The following RFFL variants were observed in gnomAD, a reference collection of about 807,000 sequenced individuals.
RFFL encodes ring finger and FYVE like domain containing E3 ubiquitin protein ligase.
A neutral mutation model predicts 40.4 loss-of-function variants in RFFL; 16 were observed. That is an observed-to-expected ratio of 0.40 (90% confidence interval 0.27 to 0.60). RFFL has a LOEUF of 0.60. Ranked by LOEUF, RFFL falls within the 20% of genes least tolerant of loss-of-function variation. The pLI is 0.47. For synonymous variants in RFFL, 154 were observed against 167.9 expected (o/e 0.92, Z 0.64); for missense variants, 367 against 451.7 (o/e 0.81, Z 1.70).
intron 3 of RFFL, among the ~76,000 whole-genome samples, chr17:35,020,844 T>A (rs1053326804): frequency 6.6e-6 from 1 of 152,190 alleles, no homozygotes; most frequent in African/African-American, 2.4e-5. Context: ...AGAAGCAGCA[T>A]GCAAGTACAG....
intron 1 of RFFL, among the ~76,000 whole-genome samples, chr17:35,063,207 G>A (rs779702076): frequency 2.6e-5 from 4 of 152,018 alleles, no homozygotes; most frequent in Admixed American, 2.0e-4. Context: ...TATAATTCCA[G>A]CACTTTGGGA....
At chr17:35,081,909 T>C (rs956109183) in intron 1 of RFFL, among the ~76,000 whole-genome samples, 8 of 152,310 alleles carry the variant, frequency 5.3e-5, no homozygotes, top group Admixed American at 2.6e-4. Flanking sequence ...TTCTTTAGAA[T>C]ATAAATGATT....
intron 1 of RFFL, among the ~76,000 whole-genome samples, chr17:35,038,359 C>G (rs983929153): frequency 3.3e-5 from 5 of 151,846 alleles, no homozygotes; most frequent in African/African-American, 1.2e-4. Flanking sequence ...GTAAATTACT[C>G]CAATTTGGAA....
chr17:35,013,363 C>T (rs980470382), intron 6 of RFFL, among the ~76,000 whole-genome samples: 3 of 152,196 alleles, frequency 2.0e-5, no homozygotes, highest in African/African-American at 7.2e-5. Context: ...ATATAGTGGG[C>T]ATGACCAGTA....
At chr17:35,012,507 G>A (rs1370512393) in intron 6 of RFFL, among the ~76,000 whole-genome samples, 6 of 152,162 alleles carry the variant, frequency 3.9e-5, no homozygotes, top group East Asian at 1.9e-4. Context: ...TGAGTGGCAC[G>A]TAGGGACTCA....
At chr17:35,074,910 G>A (rs2091368612) in intron 1 of RFFL, among the ~76,000 whole-genome samples, 1 of 152,202 alleles carries the variant, frequency 6.6e-6, no homozygotes, top group African/African-American at 2.4e-5. Context: ...AGTGGAATGA[G>A]TGAAATAAAT....
chr17:35,058,742 G>A (rs1429002365), intron 1 of RFFL, among the ~76,000 whole-genome samples: 1 of 152,140 alleles, frequency 6.6e-6, no homozygotes, highest in Non-Finnish European at 1.5e-5. Context: ...CTGCACTCCA[G>A]CCTGGGTGAC....
intron 2 of RFFL, among the ~76,000 whole-genome samples, chr17:35,023,403 C>T (rs978691087): frequency 2.0e-5 from 3 of 152,204 alleles, no homozygotes; most frequent in African/African-American, 7.2e-5. Context: ...GAAGGCATTG[C>T]AAAGGGACAT....
At chr17:35,035,552 A>G (rs75364620) in intron 1 of RFFL, among the ~76,000 whole-genome samples, 3,400 of 151,888 alleles carry the variant, frequency 0.022, 105 homozygotes, top group African/African-American at 0.078. Flanking sequence ...CTCCAGTGTT[A>G]ACATACCTTA....
chr17:35,015,799 T>C (rs2090969712), intron 5 of RFFL, among the ~76,000 whole-genome samples: 1 of 152,204 alleles, frequency 6.6e-6, no homozygotes, highest in African/African-American at 2.4e-5. Flanking sequence ...AAATCTACCA[T>C]AAATCAGTAA....
intron 1 of RFFL, among the ~76,000 whole-genome samples, chr17:35,047,476 A>T (rs1192856815): frequency 6.6e-6 from 1 of 152,214 alleles, no homozygotes; most frequent in African/African-American, 2.4e-5. Flanking sequence ...CAAATAATGG[A>T]TGTTCAACAG....
chr17:35,021,393 G>A lies in RFFL; in HGVS notation c.569C>T (p.Ala190Val), dbSNP rs371825901. Residue 190 changes from alanine (A) to valine (V), a missense_variant, in exon 3 of 7, where the codon GCC (alanine) becomes GTC (valine). Physicochemically the swap from Ala to Val is moderately conservative, Grantham distance 64. Coordinates refer to ENST00000394597, the MANE Select transcript of RFFL (RefSeq NM_001017368.2). ...TACCTGCTGATTCTCCTGAACCTGG[G>A]CTGGGGGAACAGAGGTGGCTTGTGC... is the stretch of plus-strand genomic sequence containing the variant. ...SSAQATSVPP[A>V]QVQENQQANG... is the part of the protein sequence containing the mutation. The A allele has an allele frequency of 1.1e-5, 17 of 1,522,650 alleles. No individual in the cohort carries two copies. In the Admixed American group the frequency reaches 2.5e-4, roughly 22 times the overall value. The allele number at this position is 1,522,650 out of a possible 1,614,324, so 94.3% of individuals were successfully genotyped here.
chr17:35,068,221 G>A (rs1307343846), upstream of RFFL, among the ~76,000 whole-genome samples: 1 of 152,204 alleles, frequency 6.6e-6, no homozygotes, highest in Non-Finnish European at 1.5e-5. Flanking sequence ...ATTTTGCCCA[G>A]AAATTCAAAC....
At chr17:35,067,103 C>T (rs1392895024), upstream of RFFL, among the ~76,000 whole-genome samples, 2 of 151,600 alleles carry the variant, frequency 1.3e-5, no homozygotes, top group African/African-American at 2.4e-5. Flanking sequence ...TGGAGGGAGG[C>T]CCCAGAAACT....
intron 2 of RFFL, among the ~76,000 whole-genome samples, chr17:35,022,160 A>G (rs2091012950): frequency 6.6e-6 from 1 of 152,176 alleles, no homozygotes; most frequent in African/African-American, 2.4e-5. Flanking sequence ...TTGGGTGTGT[A>G]ATTTAGCCTC....
chr17:35,083,342 T>C (rs1006296420), intron 1 of RFFL, among the ~76,000 whole-genome samples: 6 of 152,148 alleles, frequency 3.9e-5, no homozygotes, highest in Admixed American at 3.3e-4. Flanking sequence ...TACATAAAAG[T>C]TATAAAAGCT....
upstream of RFFL, among the ~76,000 whole-genome samples, chr17:35,066,760 G>A (rs893190876): frequency 6.6e-6 from 1 of 152,010 alleles, no homozygotes; most frequent in Non-Finnish European, 1.5e-5. Flanking sequence ...TTTTCTAACT[G>A]AGAAGTCGGT....
At chr17:35,016,301 C>A in intron 5 of RFFL, 69 bp downstream of exon 5, 1 of 1,395,860 alleles carries the variant, frequency 7.2e-7, no homozygotes, top group Non-Finnish European at 1.0e-6. Flanking sequence ...CAGGTCAATA[C>A]CATCATGCTT....
chr17:35,032,180 G>C (rs1343991427), intron 1 of RFFL, among the ~76,000 whole-genome samples: 1 of 151,898 alleles, frequency 6.6e-6, no homozygotes, highest in Non-Finnish European at 1.5e-5. Flanking sequence ...GGTACAAGTA[G>C]TAAACAAAGA....
Sources: gnomAD v4.1 joint callset for allele counts (sites outside exome capture counted in the v4.1 genomes callset) on GRCh38, gnomAD v4.1.1 for gene constraint, MANE v1.5 for transcripts, NCBI Gene and HGNC (gene_info 2026-07-23, HGNC 2026-07-21) for gene names.